Variants in LAMA2 observed in about 807,000 individuals in gnomAD.
The protein encoded by LAMA2 is laminin subunit alpha-2.
LAMA2 carries 269 observed loss-of-function variants against 364.8 expected under a neutral mutation model. That is an observed-to-expected ratio of 0.74 (90% CI 0.67 to 0.82). The LOEUF is 0.82. Among genes scored for constraint, LAMA2 ranks in the 40% least tolerant of loss-of-function variants. The probability of loss-of-function intolerance (pLI) is 0.00; values close to 1 mark genes in which losing one functional copy is unlikely to be tolerated. For missense variants in LAMA2, 3,807 were observed against 3,873.2 expected (o/e 0.98, Z 0.45); for synonymous variants, 1,379 against 1,370.6 (o/e 1.01, Z -0.14).
chr6:129,143,872 A>C (rs1778267261), intron 4 of LAMA2, 29 bp from the exon 5 acceptor site: 1 of 1,496,216 alleles, frequency 6.7e-7, no homozygotes, highest in Non-Finnish European at 9.2e-7. Context: ...GGAAAACATA[A>C]TTGTTAAATT....
intron 1 of LAMA2, among the ~76,000 whole-genome samples, chr6:129,011,851 T>A (rs1784788575): frequency 6.6e-6 from 1 of 152,236 alleles, no homozygotes; most frequent in Admixed American, 6.5e-5. Flanking sequence ...GTAGGTAGAA[T>A]TGTAAATGTC....
chr6:129,454,457 C>G (rs1782854222), intron 47 of LAMA2, among the ~76,000 whole-genome samples, 169 bp downstream of exon 47: 1 of 152,094 alleles, frequency 6.6e-6, no homozygotes, highest in Non-Finnish European at 1.5e-5. Context: ...TGTCATACTT[C>G]TTAGGAACTG....
At chr6:129,033,376 G>A (rs1240822586) in intron 1 of LAMA2, among the ~76,000 whole-genome samples, 5 of 152,098 alleles carry the variant, frequency 3.3e-5, no homozygotes, top group Non-Finnish European at 7.4e-5. Flanking sequence ...TAAGGACCAG[G>A]GAGGGCCCAT....
chr6:129,164,421 C>A (rs935823113), intron 8 of LAMA2, among the ~76,000 whole-genome samples: 6 of 152,198 alleles, frequency 3.9e-5, no homozygotes, highest in Non-Finnish European at 5.9e-5. Flanking sequence ...AGCAAAACTA[C>A]AGATGAGGTG....
Position 129,177,810 on chromosome 6 carries a change from T to C in LAMA2, c.1411T>C (p.Cys471Arg). The C allele has an allele frequency of 6.2e-7, 1 of 1,614,024 alleles. No individual in the cohort carries two copies. The highest frequency in any genetic ancestry group is 8.5e-7 in the Non-Finnish European group (1 of 1,179,950). ...TGYPDCKACN[C>R]SGLGSKNEDP... ...CTACCCGGACTGCAAAGCCTGTAAC[T>C]GCAGTGGGTTAGGGAGCAAAAATGA... The change falls in exon 10 of 65, where the codon TGC becomes CGC. Residue 471 changes from cysteine (C) to arginine (R), a missense_variant. Coordinates refer to ENST00000421865, the MANE Select transcript of LAMA2 (RefSeq NM_000426.4).
At chr6:129,206,518 T>C (rs904931257) in intron 12 of LAMA2, among the ~76,000 whole-genome samples, 2 of 152,246 alleles carry the variant, frequency 1.3e-5, no homozygotes, top group Non-Finnish European at 2.9e-5. Flanking sequence ...TCCTATCTGC[T>C]AAAAATTGTT....
intron 1 of LAMA2, among the ~76,000 whole-genome samples, chr6:129,026,273 C>T (rs1457009139): frequency 2.0e-5 from 3 of 152,128 alleles, no homozygotes; most frequent in Admixed American, 6.6e-5. Flanking sequence ...TACATTCATA[C>T]TGTATCAGCT....
chr6:128,963,582 C>A (rs940099498), intron 1 of LAMA2, among the ~76,000 whole-genome samples: 7 of 152,090 alleles, frequency 4.6e-5, no homozygotes, highest in Non-Finnish European at 8.8e-5. Flanking sequence ...GGAAGAGTTG[C>A]ATCAAAAGAA....
chr6:129,376,485 C>T (rs1304422900), intron 34 of LAMA2, among the ~76,000 whole-genome samples: 7 of 152,156 alleles, frequency 4.6e-5, no homozygotes, highest in Admixed American at 2.0e-4. Flanking sequence ...AATGTGAATA[C>T]GTCATCGCAG....
At chr6:129,381,051 A>C (rs1778656675) in intron 34 of LAMA2, among the ~76,000 whole-genome samples, 1 of 152,340 alleles carries the variant, frequency 6.6e-6, no homozygotes, top group East Asian at 1.9e-4. Flanking sequence ...GAATTGGTCC[A>C]CTTGGTGTGA....
chr6:129,154,653 A>G lies in LAMA2; in HGVS notation c.1176A>G (p.Thr392=). 1 of 1,614,066 alleles carries G rather than the reference A, an allele frequency of 6.2e-7. No individual in the cohort carries two copies. The highest frequency in any genetic ancestry group is 8.5e-7 in the Non-Finnish European group (1 of 1,179,956). The change falls in exon 8 of 65, where the codon ACA becomes ACG. Residue 392 remains threonine, a synonymous_variant. Transcript: ENST00000421865. ...ACACTGCTGGTATAAACTGCGAGAC[A>G]TGTACTGATGGCTTCTTCAGACCCA... is the stretch of plus-strand genomic sequence containing the variant. The part of the protein sequence containing the change: ...TQNTAGINCE[T]CTDGFFRPKG...
rs1477185472 is a variant in LAMA2, at chr6:129,481,463, T to C, written c.7749+24T>C. On this transcript the variant is annotated intron_variant, in intron 55 of 64. Coordinates refer to ENST00000421865, the MANE Select transcript of LAMA2 (RefSeq NM_000426.4). ...AGGTACCCTCACACCTAGCTGATAA[T>C]GCATTTTCCCTAATGCTTATATAAA... 3.1e-6 allele frequency: 5 copies of C among 1,592,560 alleles called. No homozygotes were observed. In the African/African-American group the frequency reaches 5.4e-5, roughly 17 times the overall value.
At chr6:129,213,343 G>A (rs908014953) in intron 12 of LAMA2, among the ~76,000 whole-genome samples, 3 of 152,188 alleles carry the variant, frequency 2.0e-5, no homozygotes, top group Admixed American at 6.5e-5. Flanking sequence ...AAACACTTAT[G>A]TGATAAGTCT....
chr6:129,093,969 G>C (rs951672037), intron 3 of LAMA2, among the ~76,000 whole-genome samples: 18 of 152,116 alleles, frequency 1.2e-4, no homozygotes, highest in African/African-American at 4.3e-4. Context: ...GAACAGACTG[G>C]GGTGGGGGTT....
chr6:129,309,931 G>T (rs895591777), intron 22 of LAMA2, among the ~76,000 whole-genome samples: 1 of 124,408 alleles, frequency 8.0e-6, no homozygotes, highest in South Asian at 2.4e-4. Flanking sequence ...ACGGAGTCTC[G>T]CTCTGTCACC....
At chr6:129,204,684 C>T (rs2115058420) in intron 12 of LAMA2, among the ~76,000 whole-genome samples, 1 of 152,250 alleles carries the variant, frequency 6.6e-6, no homozygotes, top group South Asian at 2.1e-4. Context: ...GTATAAGCCA[C>T]CCAGTCTATG....
chr6:129,192,538 G>A, intron 11 of LAMA2, 142 bp from the exon 12 acceptor site: 2 of 704,422 alleles, frequency 2.8e-6, no homozygotes, highest in Non-Finnish European at 4.9e-6. Context: ...TATTCATAAT[G>A]CTCAGGTTTT....
At chr6:129,167,138 T>G (rs1012017982) in intron 9 of LAMA2, among the ~76,000 whole-genome samples, 2 of 152,122 alleles carry the variant, frequency 1.3e-5, no homozygotes, top group Non-Finnish European at 2.9e-5. Context: ...TTAAAAATAT[T>G]GAGCCTTTTT....
intron 3 of LAMA2, among the ~76,000 whole-genome samples, chr6:129,075,315 A>G (rs1173210802): frequency 6.6e-6 from 1 of 152,184 alleles, no homozygotes; most frequent in Non-Finnish European, 1.5e-5. Flanking sequence ...CAAAGGTGGC[A>G]TGAGATGCTG....
Sources: allele counts gnomAD v4.1 joint callset (sites outside exome capture counted in the v4.1 genomes callset), GRCh38; gene constraint gnomAD v4.1.1; transcripts MANE v1.5; gene names NCBI Gene and HGNC (gene_info 2026-07-23, HGNC 2026-07-21).